AGBL4: variants seen among roughly 807,000 people sequenced by gnomAD.
AGBL4 encodes cytosolic carboxypeptidase 6.
A neutral mutation model predicts 66.4 loss-of-function variants in AGBL4; 58 were observed. The ratio of observed to expected loss-of-function variants is 0.87; its 90% CI spans 0.71 to 1.09. AGBL4 has a LOEUF of 1.09. AGBL4 is among the 50% of genes least tolerant of loss of function. The pLI, the probability that AGBL4 is intolerant of heterozygous loss-of-function variation, is 0.00. For synonymous variants in AGBL4, 234 were observed against 222.9 expected, an observed-to-expected ratio of 1.05 and a Z score of -0.44; for missense variants, 579 against 631.0, an observed-to-expected ratio of 0.92 and a Z score of 0.88.
chr1:48,872,964 C>G (rs561405680), intron 5 of AGBL4, among the ~76,000 whole-genome samples: 22 of 152,280 alleles, frequency 1.4e-4, no homozygotes, highest in African/African-American at 5.3e-4. Context: ...CTGGCTACAT[C>G]TCTGTGTCAC....
At chr1:49,330,071 C>T (rs1228183309) in intron 3 of AGBL4, among the ~76,000 whole-genome samples, 2 of 152,192 alleles carry the variant, frequency 1.3e-5, no homozygotes, top group Non-Finnish European at 2.9e-5. Context: ...GTTTTATACT[C>T]ATTGTGATAT....
At chr1:48,972,827 G>A (rs1224276795) in intron 5 of AGBL4, among the ~76,000 whole-genome samples, 1 of 152,176 alleles carries the variant, frequency 6.6e-6, no homozygotes, top group Non-Finnish European at 1.5e-5. Flanking sequence ...AGATTGGAAA[G>A]AAAAGATAAC....
At chr1:48,873,638 G>A (rs571060217) in intron 5 of AGBL4, among the ~76,000 whole-genome samples, 1 of 152,234 alleles carries the variant, frequency 6.6e-6, no homozygotes, top group Admixed American at 6.5e-5. Flanking sequence ...CTTGCTCCCA[G>A]GATGGCAACT....
At chr1:48,715,409 T>TAG (rs1256747030) in intron 6 of AGBL4, among the ~76,000 whole-genome samples, 5 of 152,180 alleles carry the variant, frequency 3.3e-5, no homozygotes, top group African/African-American at 1.2e-4. Flanking sequence ...ACTGCTTGAC[T>TAG]AGTCCCTGGG....
chr1:49,708,822 C>G (rs1647404950), intron 2 of AGBL4, among the ~76,000 whole-genome samples: 1 of 152,158 alleles, frequency 6.6e-6, no homozygotes, highest in Non-Finnish European at 1.5e-5. Context: ...TATTCTGAAG[C>G]TCTGCTTGAG....
At chr1:49,640,579 A>G (rs1460522262) in intron 3 of AGBL4, among the ~76,000 whole-genome samples, 1 of 152,148 alleles carries the variant, frequency 6.6e-6, no homozygotes, top group Non-Finnish European at 1.5e-5. Flanking sequence ...AACAATTGAA[A>G]TTCTAAAGAT....
intron 2 of AGBL4, among the ~76,000 whole-genome samples, chr1:49,755,021 C>G (rs777596994): frequency 6.6e-6 from 1 of 152,164 alleles, no homozygotes; most frequent in African/African-American, 2.4e-5. Flanking sequence ...ATCTGCTTTA[C>G]TCCAAGCCTA....
chr1:49,792,346 T>C (rs1644621851), intron 2 of AGBL4, among the ~76,000 whole-genome samples: 1 of 151,872 alleles, frequency 6.6e-6, no homozygotes, highest in Non-Finnish European at 1.5e-5. Flanking sequence ...AGATTAACAG[T>C]CCACAACTCT....
chr1:48,668,700 C>A (rs1466615645), intron 6 of AGBL4, among the ~76,000 whole-genome samples: 1 of 152,196 alleles, frequency 6.6e-6, no homozygotes, highest in African/African-American at 2.4e-5. Flanking sequence ...AGGACTTGGA[C>A]TGGGCCAACC....
At chr1:48,682,095 G>A (rs6701818) in intron 6 of AGBL4, among the ~76,000 whole-genome samples, 5,175 of 152,302 alleles carry the variant, frequency 0.034, 316 homozygotes, top group African/African-American at 0.12. Context: ...GAGCACAGAG[G>A]AGTGGCCATG....
chr1:48,734,088 C>A (rs1648615135), intron 6 of AGBL4, among the ~76,000 whole-genome samples: 1 of 152,216 alleles, frequency 6.6e-6, no homozygotes, highest in Non-Finnish European at 1.5e-5. Flanking sequence ...TGGCCTTTTT[C>A]TCAGGGTGAC....
chr1:48,933,392 C>T (rs1655193370), intron 5 of AGBL4, among the ~76,000 whole-genome samples: 1 of 152,194 alleles, frequency 6.6e-6, no homozygotes, highest in African/African-American at 2.4e-5. Flanking sequence ...AGCTCACTAC[C>T]TTACAAGGCA....
chr1:49,406,858 A>G (rs922619242), intron 3 of AGBL4, among the ~76,000 whole-genome samples: 5 of 151,834 alleles, frequency 3.3e-5, no homozygotes, highest in Non-Finnish European at 7.4e-5. Context: ...GAGGTCAGGA[A>G]ATCGAGACCA....
chr1:48,821,714 C>G (rs1328211603), intron 6 of AGBL4, among the ~76,000 whole-genome samples: 1 of 152,066 alleles, frequency 6.6e-6, no homozygotes, highest in East Asian at 1.9e-4. Context: ...ATCCATGTAA[C>G]AAAACCTGCA....
At chr1:49,152,629 GAAAATGTTC>G (rs903940095) in intron 4 of AGBL4, among the ~76,000 whole-genome samples, 2 of 152,200 alleles carry the variant, frequency 1.3e-5, no homozygotes, top group Non-Finnish European at 2.9e-5. Context: ...CAGATGGGGT[GAAAATGTTC>G]ATGCACAAAT....
rs369194836 is a variant in AGBL4, at chr1:48,741,131, T to C, written c.635-77890A>G. 3.3e-5 allele frequency among the ~76,000 whole-genome samples: 5 copies of C among 152,220 alleles called. No individual in the cohort carries two copies. The East Asian group carries it at 5.8e-4, about 18-fold the overall frequency. ...AAGGCAAGGGAGAAATAGATTTCTC[T>C]TGGAAGCTACTTTAAGAAAAACTCT... is the stretch of plus-strand genomic sequence containing the variant. On this transcript the variant is annotated intron_variant, in intron 6 of 13. Transcript: ENST00000371839.
intron 1 of AGBL4, among the ~76,000 whole-genome samples, chr1:49,852,771 C>A (rs948256762): frequency 6.6e-6 from 1 of 152,158 alleles, no homozygotes; most frequent in Non-Finnish European, 1.5e-5. Flanking sequence ...TGTGTAGGGG[C>A]TTGTGTCAAC....
intron 6 of AGBL4, among the ~76,000 whole-genome samples, chr1:48,725,031 G>A (rs193036831): frequency 6.6e-6 from 1 of 152,302 alleles, no homozygotes; most frequent in African/African-American, 2.4e-5. Context: ...CCTTCTGATT[G>A]TGTGCAGCTG....
chr1:49,160,532 G>A (rs530789497), intron 4 of AGBL4, among the ~76,000 whole-genome samples: 8 of 152,242 alleles, frequency 5.3e-5, no homozygotes, highest in African/African-American at 7.2e-5. Flanking sequence ...GGGGGTCAGG[G>A]ACCCACTTGA....
Sources: allele counts gnomAD v4.1 joint callset (sites outside exome capture counted in the v4.1 genomes callset), GRCh38; gene constraint gnomAD v4.1.1; transcripts MANE v1.5; gene names NCBI Gene and HGNC (gene_info 2026-07-23, HGNC 2026-07-21).